MFHAS1: variants seen among roughly 807,000 people sequenced by gnomAD.
MFHAS1 encodes the protein multifunctional ROCO family signaling regulator 1.
MFHAS1 carries 50 observed loss-of-function variants against 70.4 expected under a neutral mutation model. The ratio of observed to expected loss-of-function variants is 0.71; its 90% CI spans 0.57 to 0.90. The LOEUF is 0.90. MFHAS1 is among the 40% of genes least tolerant of loss of function. The pLI is 0.00. For missense variants in MFHAS1, 1,795 were observed against 1,347.6 expected, an observed-to-expected ratio of 1.33 and a Z score of -5.20; for synonymous variants, 952 against 620.0, an observed-to-expected ratio of 1.54 and a Z score of -7.96.
At chr8:8,887,198 A>G (rs1407410799) in intron 1 of MFHAS1, among the ~76,000 whole-genome samples, 1 of 152,206 alleles carries the variant, frequency 6.6e-6, no homozygotes, top group Admixed American at 6.5e-5. Context: ...TTTCTGCTGA[A>G]TTAATATATA....
rs745351040 is a variant in MFHAS1 at position 8,785,898 on chromosome 8, C to A, written c.*124G>T. The stretch of plus-strand genomic sequence containing the variant: ...AGTCGTCCAAAAAGCACCCTGCAAG[C>A]ACGCGTTGTCACTCAAGTTCACAGA... On this transcript the variant is annotated 3_prime_UTR_variant, in exon 3 of 3. Transcript: ENST00000276282. 3.2e-5 allele frequency: 29 copies of A among 916,736 alleles called. No individual in the cohort carries two copies. The highest frequency in any genetic ancestry group is 4.4e-5 in the Non-Finnish European group (25 of 567,366). The allele number at this position is 916,736 out of a possible 1,614,324, so 56.8% of individuals were successfully genotyped here.
chr8:8,822,210 G>A (rs912320683), intron 1 of MFHAS1: 11 of 152,462 alleles, frequency 7.2e-5, no homozygotes, highest in African/African-American at 2.7e-4. Flanking sequence ...TTGAAATTGG[G>A]GTGAGAGATA....
At chr8:8,820,167 T>C (rs1485568557) in intron 1 of MFHAS1, among the ~76,000 whole-genome samples, 1 of 152,134 alleles carries the variant, frequency 6.6e-6, no homozygotes, top group African/African-American at 2.4e-5. Context: ...GAAATAAATA[T>C]AAAGATGTGC....
Position 8,785,750 on chromosome 8 carries a change from T to TC in MFHAS1, c.*271_*272insG, listed in dbSNP as rs892617469. 2.0e-5 allele frequency: 7 copies of TC among 351,416 alleles called. No homozygotes were observed. Among genetic ancestry groups the TC allele is most frequent in the Non-Finnish European group, 3.1e-5 (6 of 191,552 alleles). The allele number at this position is 351,416 out of a possible 1,614,324, so 21.8% of individuals were successfully genotyped here. A position where few individuals can be genotyped will look rare whatever the true frequency, so the allele number is the denominator to read the frequency against. ...GAAGCCATTCGACTTTTTTTTTTTT[T>TC]TTTTCTTTTCTTCAAGTAGCGCGCT... On this transcript the variant is annotated 3_prime_UTR_variant, in exon 3 of 3. Coordinates refer to ENST00000276282, the MANE Select transcript of MFHAS1 (RefSeq NM_004225.3).
intron 1 of MFHAS1, among the ~76,000 whole-genome samples, chr8:8,888,936 G>A (rs10092694): frequency 0.18 from 26,836 of 150,548 alleles, 3,083 homozygotes; most frequent in African/African-American, 0.32. Flanking sequence ...GTGAAGCTAC[G>A]CATGTGGGGA....
intron 1 of MFHAS1, among the ~76,000 whole-genome samples, chr8:8,877,927 T>C (rs1362551518): frequency 2.0e-5 from 3 of 152,220 alleles, no homozygotes; most frequent in Admixed American, 1.3e-4. Flanking sequence ...TGCCCACACA[T>C]GCCCACCCCT....
At chr8:8,882,638 A>G (rs926326499) in intron 1 of MFHAS1, among the ~76,000 whole-genome samples, 3 of 152,022 alleles carry the variant, frequency 2.0e-5, no homozygotes, top group Non-Finnish European at 2.9e-5. Context: ...TAAAATAAAA[A>G]TGAGAGTTTG....
intron 1 of MFHAS1, among the ~76,000 whole-genome samples, chr8:8,876,344 C>T (rs1382832355): frequency 1.3e-5 from 2 of 152,068 alleles, no homozygotes; most frequent in Non-Finnish European, 2.9e-5. Context: ...TTAAAAATAC[C>T]TTGTACTTCC....
rs1214884345 is a variant in MFHAS1, at chr8:8,890,452, G to A, written c.2607C>T (p.Asn869=). 1.2e-6 allele frequency: 2 copies of A among 1,613,804 alleles called. No individual in the cohort carries two copies. Among genetic ancestry groups the A allele is most frequent in the Non-Finnish European group, 8.5e-7 (1 of 1,180,048 alleles). ...PHAEAWINGT[N]LAGQSFVAEQ... ...CAGCCACAAAAGACTGCCCAGCTAG[G>A]TTGGTCCCATTAATCCAGGCTTCTG... Residue 869 remains asparagine (N), a synonymous_variant, in exon 1 of 3, where the codon AAC becomes AAT. Coordinates refer to ENST00000276282, the MANE Select transcript of MFHAS1 (RefSeq NM_004225.3).
chr8:8,835,751 A>T lies in MFHAS1; in HGVS notation c.2999-38260T>A, dbSNP rs1002792508. Among the ~76,000 whole-genome samples the T allele has an allele frequency of 2.0e-5, 3 of 152,360 alleles. No homozygotes were observed. The East Asian group carries it at 5.8e-4, about 29-fold the overall frequency. ...TGGGACACCCATTATACTACGTAGA[A>T]GAGTCAATATTCAGACCCAGTTCTC... On this transcript the variant is annotated intron_variant, in intron 1 of 2. Coordinates refer to ENST00000276282, the MANE Select transcript of MFHAS1 (RefSeq NM_004225.3).
At chr8:8,870,784 CG>C (rs1338488477) in intron 1 of MFHAS1, among the ~76,000 whole-genome samples, 5 of 152,242 alleles carry the variant, frequency 3.3e-5, no homozygotes, top group African/African-American at 9.6e-5. Flanking sequence ...TGCAGCTTCC[CG>C]GGGTCAAGGC....
chr8:8,871,188 ACTC>A (rs1204071613), intron 1 of MFHAS1, among the ~76,000 whole-genome samples: 1 of 151,718 alleles, frequency 6.6e-6, no homozygotes, highest in Non-Finnish European at 1.5e-5. Context: ...CTCTGTCTCC[ACTC>A]CTCATCTGTA....
intron 1 of MFHAS1, among the ~76,000 whole-genome samples, chr8:8,885,032 C>G (rs1171964512): frequency 6.6e-6 from 1 of 151,986 alleles, no homozygotes; most frequent in Admixed American, 6.6e-5. Flanking sequence ...TCTGCAGAAG[C>G]TACTAAGTCT....
intron 1 of MFHAS1, among the ~76,000 whole-genome samples, chr8:8,839,340 A>G (rs1352909248): frequency 6.6e-6 from 1 of 152,226 alleles, no homozygotes; most frequent in Non-Finnish European, 1.5e-5. Context: ...TTTTGTGAAG[A>G]AAATGTGCTA....
chr8:8,837,425 A>G (rs1050124037), intron 1 of MFHAS1, among the ~76,000 whole-genome samples: 6 of 152,152 alleles, frequency 3.9e-5, no homozygotes, highest in African/African-American at 1.4e-4. Context: ...GGATCACTTG[A>G]GAGATCAGGA....
At chr8:8,824,665 C>T (rs895487655) in intron 1 of MFHAS1, among the ~76,000 whole-genome samples, 1 of 152,120 alleles carries the variant, frequency 6.6e-6, no homozygotes, top group Non-Finnish European at 1.5e-5. Context: ...ATCTCACCAG[C>T]TGAAGAGATA....
chr8:8,821,464 C>T (rs548914712), intron 1 of MFHAS1, among the ~76,000 whole-genome samples: 1 of 152,318 alleles, frequency 6.6e-6, no homozygotes, highest in Admixed American at 6.5e-5. Flanking sequence ...TTGCTTACAA[C>T]TCTTATGTCC....
At chr8:8,823,302 T>C (rs918617354) in intron 1 of MFHAS1, among the ~76,000 whole-genome samples, 24 of 152,200 alleles carry the variant, frequency 1.6e-4, no homozygotes, top group Non-Finnish European at 5.9e-5. Flanking sequence ...AGATGAATAA[T>C]GTTTCTCTCT....
At chr8:8,851,965 G>A (rs540452716) in intron 1 of MFHAS1, among the ~76,000 whole-genome samples, 10 of 152,202 alleles carry the variant, frequency 6.6e-5, no homozygotes, top group South Asian at 4.2e-4. Flanking sequence ...GTCACCAGGC[G>A]GATCCCTAAT....
Sources: gnomAD v4.1 joint callset for allele counts (sites outside exome capture counted in the v4.1 genomes callset) on GRCh38, gnomAD v4.1.1 for gene constraint, MANE v1.5 for transcripts, NCBI Gene and HGNC (gene_info 2026-07-23, HGNC 2026-07-21) for gene names.